The following IMPG1 variants were observed in gnomAD, a reference collection of about 807,000 sequenced individuals.
IMPG1 encodes the protein interphotoreceptor matrix proteoglycan 1.
A neutral mutation model predicts 92.0 loss-of-function variants in IMPG1; 85 were observed. The observed-to-expected ratio is 0.92, with a 90% CI of 0.78 to 1.11. The LOEUF (loss-of-function observed/expected upper bound fraction) is 1.11. IMPG1 is among the 50% of genes least tolerant of loss of function. The probability of loss-of-function intolerance (pLI) is 0.00; values close to 1 mark genes in which losing one functional copy is unlikely to be tolerated. For missense variants in IMPG1, 1,022 were observed against 956.0 expected, an observed-to-expected ratio of 1.07 and a Z score of -0.91; for synonymous variants, 367 against 334.1, an observed-to-expected ratio of 1.10 and a Z score of -1.08.
At chr6:76,039,500 C>T (rs998399577) in intron 2 of IMPG1, among the ~76,000 whole-genome samples, 4 of 152,038 alleles carry the variant, frequency 2.6e-5, no homozygotes, top group East Asian at 3.9e-4. Flanking sequence ...GGATTACAGG[C>T]GTGCGCCACC....
intron 12 of IMPG1, among the ~76,000 whole-genome samples, chr6:75,981,883 C>T (rs1782633788): frequency 6.6e-6 from 1 of 152,206 alleles, no homozygotes; most frequent in African/African-American, 2.4e-5. Flanking sequence ...CCAGAAGGAG[C>T]TATTTCAAAC....
intron 6 of IMPG1, among the ~76,000 whole-genome samples, chr6:76,020,750 T>C (rs1783408478): frequency 6.6e-6 from 1 of 152,180 alleles, no homozygotes; most frequent in African/African-American, 2.4e-5. Flanking sequence ...CCCAAATTCC[T>C]ATCTAAGGGG....
At chr6:76,062,235 G>C (rs1187800991) in intron 1 of IMPG1, among the ~76,000 whole-genome samples, 1 of 152,142 alleles carries the variant, frequency 6.6e-6, no homozygotes, top group Non-Finnish European at 1.5e-5. Context: ...TAAATACTGA[G>C]GCTTATGTGC....
In IMPG1 at chr6:75,926,785, C is replaced by A. The variant is rs556370013; in HGVS notation, c.2244-3079G>T. ...ATGGCAGAATCTATGTATACAACAT[C>A]TAAACTTGAGGGAAATGTAAAAATA... On this transcript the variant is annotated intron_variant, in intron 15 of 16. Transcript: ENST00000369950. 1.9e-4 allele frequency among the ~76,000 whole-genome samples: 28 copies of A among 151,292 alleles called. No individual in the cohort carries two copies. In the East Asian group the frequency reaches 5.3e-3, roughly 29 times the overall value.
chr6:76,059,135 T>C (rs1386703167), intron 1 of IMPG1, among the ~76,000 whole-genome samples: 2 of 152,082 alleles, frequency 1.3e-5, no homozygotes, highest in South Asian at 2.1e-4. Flanking sequence ...GAATCTTATA[T>C]CTCCAGAGGC....
chr6:76,007,452 A>ATATT (rs1319812935), intron 9 of IMPG1, 28 bp downstream of exon 9: 27 of 1,548,890 alleles, frequency 1.7e-5, no homozygotes, highest in Non-Finnish European at 2.2e-5. Flanking sequence ...GGAATGTACT[A>ATATT]TATTTCAAAA....
chr6:76,005,624 T>C, intron 9 of IMPG1, 90 bp from the exon 10 acceptor site: 1 of 1,360,400 alleles, frequency 7.4e-7, no homozygotes, highest in Non-Finnish European at 1.0e-6. Context: ...AGCTTCAGGA[T>C]AGCTTCCACC....
intron 1 of IMPG1, among the ~76,000 whole-genome samples, chr6:76,070,386 C>A (rs960485950): frequency 2.5e-4 from 38 of 152,106 alleles, no homozygotes; most frequent in Admixed American, 1.4e-3. Context: ...ATTAGTACGA[C>A]CTCTATGGAA....
chr6:75,929,961 A>G (rs1336945953), intron 15 of IMPG1, among the ~76,000 whole-genome samples: 5 of 152,082 alleles, frequency 3.3e-5, no homozygotes, highest in Non-Finnish European at 5.9e-5. Flanking sequence ...TACCTCATTA[A>G]TGAATGTATG....
In IMPG1 at chr6:76,011,182, G is replaced by A. The variant is rs1050583595; in HGVS notation, c.850C>T (p.His284Tyr). 1.3e-6 allele frequency: 2 copies of A among 1,540,458 alleles called. No homozygotes were observed. Among genetic ancestry groups the A allele is most frequent in the African/African-American group, 2.7e-5 (2 of 73,512 alleles). ...CTTACTTACCTAAATCCTAACACAT[G>A]GATTTTTTTGAATCCTGGAAGTTTC... Reference protein sequence around the residue: ...FKKLPGFKKIHVLGFRPKKEK... With the variant: ...FKKLPGFKKIYVLGFRPKKEK... The change falls in exon 8 of 17, where the codon CAT (histidine) becomes TAT (tyrosine). Residue 284 changes from histidine (H) to tyrosine (Y), a missense_variant. By Grantham distance (83) the His-to-Tyr change is moderately conservative. Coordinates refer to ENST00000369950, the MANE Select transcript of IMPG1 (RefSeq NM_001563.4).
chr6:76,058,053 C>T (rs754292403), intron 1 of IMPG1, among the ~76,000 whole-genome samples: 10 of 151,818 alleles, frequency 6.6e-5, no homozygotes, highest in Non-Finnish European at 1.3e-4. Flanking sequence ...GGTTTCTTTG[C>T]CAGTGAATTT....
At chr6:76,004,096 A>G in intron 10 of IMPG1, 146 bp from the exon 11 acceptor site, 1 of 611,560 alleles carries the variant, frequency 1.6e-6, no homozygotes. Flanking sequence ...GAGGCATAGA[A>G]AAAAGGTCAT....
chr6:76,058,616 C>A (rs1016762740), intron 1 of IMPG1, among the ~76,000 whole-genome samples: 1 of 152,148 alleles, frequency 6.6e-6, no homozygotes, highest in Admixed American at 6.6e-5. Context: ...ACAGCTTCTG[C>A]TCTTAACTAC....
At chr6:75,974,333 T>TTC (rs1562354331) in intron 12 of IMPG1, among the ~76,000 whole-genome samples, 6 of 45,928 alleles carry the variant, frequency 1.3e-4, no homozygotes, top group East Asian at 5.2e-4. Flanking sequence ...TTCTTTCCCT[T>TTC]TCTTTCTTTC....
At chr6:75,945,048 C>A (rs2149455269) in intron 14 of IMPG1, among the ~76,000 whole-genome samples, 1 of 152,342 alleles carries the variant, frequency 6.6e-6, no homozygotes, top group African/African-American at 2.4e-5. Flanking sequence ...CCATCTCATG[C>A]TTACCACCTT....
At chr6:75,963,460 TTA>T (rs1782242728) in intron 12 of IMPG1, among the ~76,000 whole-genome samples, 1 of 70,274 alleles carries the variant, frequency 1.4e-5, no homozygotes. Context: ...ATTAAACTTT[TTA>T]TTTTGAGATA....
intron 14 of IMPG1, among the ~76,000 whole-genome samples, chr6:75,942,843 C>T (rs1217433739): frequency 6.6e-6 from 1 of 152,170 alleles, no homozygotes; most frequent in Non-Finnish European, 1.5e-5. Flanking sequence ...TTTAGATATG[C>T]ATTTCTCTTA....
intron 1 of IMPG1, among the ~76,000 whole-genome samples, 149 bp downstream of exon 1, chr6:76,072,269 GTTAA>G (rs1473133898): frequency 2.6e-5 from 4 of 152,044 alleles, no homozygotes; most frequent in African/African-American, 7.2e-5. Flanking sequence ...ATTTCTGATA[GTTAA>G]TTATTCAATC....
At chr6:76,017,834 C>T (rs963054634) in intron 7 of IMPG1, among the ~76,000 whole-genome samples, 3 of 152,204 alleles carry the variant, frequency 2.0e-5, no homozygotes, top group African/African-American at 7.2e-5. Context: ...CTCACTGCCA[C>T]CTCTGCCCCC....
Sources: gnomAD v4.1 joint callset for allele counts (sites outside exome capture counted in the v4.1 genomes callset) on GRCh38, gnomAD v4.1.1 for gene constraint, MANE v1.5 for transcripts, NCBI Gene and HGNC (gene_info 2026-07-23, HGNC 2026-07-21) for gene names.